DNM3: variants seen among roughly 807,000 people sequenced by gnomAD.
DNM3 encodes the protein dynamin 3, also known as dynamin-3.
In DNM3, 47 loss-of-function variants were observed where a neutral mutation model predicts 101.6. The observed-to-expected ratio is 0.46, with a 90% CI of 0.37 to 0.59. DNM3 has a LOEUF of 0.59. Ranked by LOEUF, DNM3 falls within the 20% of genes least tolerant of loss-of-function variation. DNM3 has a pLI of 0.00. For missense variants in DNM3, 849 were observed against 1,085.7 expected, an observed-to-expected ratio of 0.78 and a Z score of 3.06; for synonymous variants, 385 against 387.9, an observed-to-expected ratio of 0.99 and a Z score of 0.09.
intron 17 of DNM3, among the ~76,000 whole-genome samples, chr1:172,337,865 A>T (rs867683117): frequency 8.0e-5 from 7 of 87,042 alleles, no homozygotes; most frequent in Admixed American, 3.4e-4. Context: ...ATTTTATTTT[A>T]TTTTTATTTT....
intron 2 of DNM3, among the ~76,000 whole-genome samples, chr1:171,954,433 G>A (rs976689145): frequency 1.3e-5 from 2 of 152,150 alleles, no homozygotes; most frequent in African/African-American, 4.8e-5. Context: ...TTCTGGAATA[G>A]CATCTTGTTC....
intron 15 of DNM3, among the ~76,000 whole-genome samples, chr1:172,304,680 T>C (rs1316734952): frequency 6.6e-6 from 1 of 152,124 alleles, no homozygotes; most frequent in Non-Finnish European, 1.5e-5. Flanking sequence ...CACAACAAAC[T>C]GTCTCTCAGA....
At chr1:171,897,751 C>A (rs372928158) in intron 1 of DNM3, among the ~76,000 whole-genome samples, 31 of 152,234 alleles carry the variant, frequency 2.0e-4, no homozygotes, top group Admixed American at 1.0e-3. Flanking sequence ...ATAACAAATT[C>A]TCTTCTTTTT....
At chr1:171,933,365 C>A (rs1356805177) in intron 2 of DNM3, among the ~76,000 whole-genome samples, 1 of 152,138 alleles carries the variant, frequency 6.6e-6, no homozygotes, top group African/African-American at 2.4e-5. Context: ...TTGATTCATT[C>A]ATTTATTCAA....
chr1:172,034,087 T>A (rs1017894078), intron 6 of DNM3, among the ~76,000 whole-genome samples: 1 of 152,150 alleles, frequency 6.6e-6, no homozygotes, highest in African/African-American at 2.4e-5. Context: ...TCTTAGCTCC[T>A]GGAAAGTATC....
chr1:172,062,325 C>G (rs929098942), intron 10 of DNM3, among the ~76,000 whole-genome samples: 1 of 152,106 alleles, frequency 6.6e-6, no homozygotes, highest in Non-Finnish European at 1.5e-5. Context: ...TTCTGAATTA[C>G]TTAAGTAAGA....
Position 171,993,498 on chromosome 1 carries a change from CT to C in DNM3, c.589+4366del, listed in dbSNP as rs145178902. ...CTTCTCTCCTGCTGCTTTCAAGATT[CT>C]TTTTTTTTTTTTTTTGTCTTTTGGC... On this transcript the variant is annotated intron_variant, in intron 4 of 20. Coordinates refer to ENST00000627582, the MANE Select transcript of DNM3 (RefSeq NM_015569.5). Among the ~76,000 whole-genome samples, 642 of 128,652 alleles carry C rather than the reference CT, an allele frequency of 5.0e-3. 4 individuals carry two copies. The highest frequency in any genetic ancestry group is 0.016 in the African/African-American group (540 of 34,006). 84.4% of individuals were successfully genotyped at this position (128,652 alleles called of 152,430 possible). A position where few individuals can be genotyped will look rare whatever the true frequency, so the allele number is the denominator to read the frequency against.
At chr1:172,085,695 A>G (rs973649987) in intron 12 of DNM3, among the ~76,000 whole-genome samples, 1 of 152,128 alleles carries the variant, frequency 6.6e-6, no homozygotes, top group African/African-American at 2.4e-5. Context: ...ATGGGTCTTA[A>G]GATTTGTTAT....
At chr1:172,015,583 A>G (rs1466264798) in intron 4 of DNM3, among the ~76,000 whole-genome samples, 1 of 152,114 alleles carries the variant, frequency 6.6e-6, no homozygotes, top group Non-Finnish European at 1.5e-5. Context: ...TATTGCTGGT[A>G]TATAGGAAAA....
intron 2 of DNM3, among the ~76,000 whole-genome samples, chr1:171,971,391 CATTT>C (rs2125547425): frequency 6.6e-6 from 1 of 152,216 alleles, no homozygotes; most frequent in East Asian, 1.9e-4. Flanking sequence ...ACATAGCATT[CATTT>C]GACAATTATT....
At chr1:172,325,021 G>A (rs576118031) in intron 17 of DNM3, among the ~76,000 whole-genome samples, 62 of 152,120 alleles carry the variant, frequency 4.1e-4, no homozygotes, top group Non-Finnish European at 7.5e-4. Flanking sequence ...AAGAACATTT[G>A]TAAAATTCAC....
chr1:172,048,836 C>T (rs988590512), intron 10 of DNM3, 86 bp downstream of exon 10: 119 of 1,484,528 alleles, frequency 8.0e-5, no homozygotes, highest in Non-Finnish European at 1.1e-4. Context: ...TTTCCCTGAC[C>T]CTCACTTTGT....
At chr1:172,025,208 C>T (rs1461484116) in intron 4 of DNM3, among the ~76,000 whole-genome samples, 1 of 152,210 alleles carries the variant, frequency 6.6e-6, no homozygotes, top group African/African-American at 2.4e-5. Flanking sequence ...GGGTGGAGCC[C>T]ACTGCAGCTC....
chr1:171,964,550 G>T (rs1352772096), intron 2 of DNM3, among the ~76,000 whole-genome samples: 5 of 152,084 alleles, frequency 3.3e-5, no homozygotes, highest in Non-Finnish European at 7.4e-5. Flanking sequence ...CCAAGCTGCA[G>T]CCCAACCACC....
chr1:172,130,083 C>G (rs2056855971), intron 13 of DNM3, among the ~76,000 whole-genome samples: 1 of 152,054 alleles, frequency 6.6e-6, no homozygotes, highest in Admixed American at 6.6e-5. Flanking sequence ...GATTGGCCTT[C>G]CTTCTTCAAC....
chr1:171,925,153 G>T (rs181179547), intron 2 of DNM3, among the ~76,000 whole-genome samples: 2 of 149,528 alleles, frequency 1.3e-5, no homozygotes, highest in Non-Finnish European at 3.0e-5. Context: ...CACCCACCTC[G>T]GTCTCCCAAA....
intron 14 of DNM3, among the ~76,000 whole-genome samples, chr1:172,191,828 G>T (rs1257404813): frequency 1.3e-5 from 2 of 152,086 alleles, no homozygotes; most frequent in Admixed American, 6.6e-5. Flanking sequence ...GTCTGTTATT[G>T]GTGTATAGGA....
chr1:171,947,302 A>G (rs376379150), intron 2 of DNM3, among the ~76,000 whole-genome samples: 1 of 152,220 alleles, frequency 6.6e-6, no homozygotes, highest in African/African-American at 2.4e-5. Context: ...TAGCCTTATC[A>G]CTAGTTTCAA....
chr1:171,951,821 T>C lies in DNM3; in HGVS notation c.235+30000T>C, dbSNP rs1189894195. Among the ~76,000 whole-genome samples, 5 of 152,214 alleles carry C rather than the reference T, an allele frequency of 3.3e-5. No homozygotes were observed. The South Asian group carries it at 1.0e-3, about 32-fold the overall frequency. The stretch of plus-strand genomic sequence containing the variant: ...CGCAGGAAACAGCCTCAAGAAGTCC[T>C]GAGAAAGTGAGCTTAAGTGGTTACA... On this transcript the variant is annotated intron_variant, in intron 2 of 20. Coordinates refer to ENST00000627582, the MANE Select transcript of DNM3 (RefSeq NM_015569.5).
Sources: gnomAD v4.1 joint callset for allele counts (sites outside exome capture counted in the v4.1 genomes callset) on GRCh38, gnomAD v4.1.1 for gene constraint, MANE v1.5 for transcripts, NCBI Gene and HGNC (gene_info 2026-07-23, HGNC 2026-07-21) for gene names.